The following PNPT1 variants were observed in gnomAD, a reference collection of about 807,000 sequenced individuals.
PNPT1 encodes polyribonucleotide nucleotidyltransferase 1, also known as polyribonucleotide nucleotidyltransferase 1, mitochondrial.
A neutral mutation model predicts 119.5 loss-of-function variants in PNPT1; 53 were observed. That is an observed-to-expected ratio of 0.44 (90% CI 0.36 to 0.56). The LOEUF (loss-of-function observed/expected upper bound fraction) is 0.56. PNPT1 is among the 20% of genes least tolerant of loss of function. The pLI is 0.00. For synonymous variants in PNPT1, 357 were observed against 322.1 expected (o/e 1.11, Z -1.16); for missense variants, 948 against 938.5 (o/e 1.01, Z -0.13).
chr2:55,688,756 AC>A (rs1697499835), intron 1 of PNPT1, among the ~76,000 whole-genome samples: 3 of 151,638 alleles, frequency 2.0e-5, no homozygotes, highest in Admixed American at 6.6e-5. Context: ...AACAACAACA[AC>A]AACAACAACA....
intron 18 of PNPT1, among the ~76,000 whole-genome samples, chr2:55,651,537 G>A (rs919253341): frequency 7.2e-5 from 11 of 152,194 alleles, no homozygotes; most frequent in African/African-American, 2.2e-4. Context: ...GATTAAGGGC[G>A]GTGCAAGATG....
intron 11 of PNPT1, among the ~76,000 whole-genome samples, chr2:55,670,087 G>A (rs1430722745): frequency 6.6e-6 from 1 of 151,344 alleles, no homozygotes; most frequent in African/African-American, 2.4e-5. Flanking sequence ...AAATATTCAT[G>A]TGAGAGTATA....
At chr2:55,677,988 G>C (rs1345201899) in intron 8 of PNPT1, among the ~76,000 whole-genome samples, 1 of 152,068 alleles carries the variant, frequency 6.6e-6, no homozygotes, top group Non-Finnish European at 1.5e-5. Flanking sequence ...TGATCTGCCT[G>C]CCTCGGCCTC....
intron 18 of PNPT1, among the ~76,000 whole-genome samples, chr2:55,653,426 G>C (rs775275068): frequency 1.3e-5 from 2 of 152,094 alleles, no homozygotes; most frequent in Admixed American, 1.3e-4. Flanking sequence ...GGCAGGTAAA[G>C]ACTCCCCTAT....
rs72805490 is a variant in PNPT1, at chr2:55,645,582, T to C, written c.1739-150A>G. The C allele has an allele frequency of 0.039, 21,403 of 554,788 alleles. 643 individuals are homozygous for C. The highest frequency in any genetic ancestry group is 0.099 in the South Asian group (4,117 of 41,728). The allele number at this position is 554,788 out of a possible 1,614,324, so 34.4% of individuals were successfully genotyped here. On this transcript the variant is annotated intron_variant, in intron 21 of 27. Coordinates refer to ENST00000447944, the MANE Select transcript of PNPT1 (RefSeq NM_033109.5). ...CTATTACCTTGAAAATTCACTCATA[T>C]TCTCTTCTCCAAAAATCCCATCTTA...
intron 18 of PNPT1, among the ~76,000 whole-genome samples, chr2:55,651,536 C>G (rs1415286298): frequency 6.6e-6 from 1 of 152,084 alleles, no homozygotes; most frequent in African/African-American, 2.4e-5. Flanking sequence ...AGATTAAGGG[C>G]GGTGCAAGAT....
chr2:55,670,349 G>T (rs1015210258), intron 11 of PNPT1, among the ~76,000 whole-genome samples: 1 of 151,982 alleles, frequency 6.6e-6, no homozygotes, highest in African/African-American at 2.4e-5. Flanking sequence ...ACCACGCCCG[G>T]CTAACTTTTT....
intron 1 of PNPT1, among the ~76,000 whole-genome samples, chr2:55,690,547 C>G (rs1245065298): frequency 6.6e-6 from 1 of 152,122 alleles, no homozygotes; most frequent in Non-Finnish European, 1.5e-5. Flanking sequence ...AATACCTTTG[C>G]CAGAAGCCTG....
rs575016919 is a variant in PNPT1 at position 55,642,417 on chromosome 2, T to C, written c.2069+741A>G. Among the ~76,000 whole-genome samples, 9 of 151,316 alleles carry C rather than the reference T, an allele frequency of 5.9e-5. 1 individual carries two copies. The highest frequency in any genetic ancestry group is 4.2e-4 in the South Asian group (2 of 4,774). On this transcript the variant is annotated intron_variant, in intron 25 of 27. Coordinates refer to ENST00000447944, the MANE Select transcript of PNPT1 (RefSeq NM_033109.5). ...GTCAGGAGATCGAGACCATCCTGGC[T>C]AACAAGGTAAAACCCCGTCTCTACT...
At chr2:55,670,094 T>C (rs1282630817) in intron 11 of PNPT1, among the ~76,000 whole-genome samples, 1 of 149,802 alleles carries the variant, frequency 6.7e-6, no homozygotes, top group Admixed American at 6.7e-5. Flanking sequence ...CATGTGAGAG[T>C]ATATTTGTCT....
intron 5 of PNPT1, among the ~76,000 whole-genome samples, chr2:55,681,729 C>G (rs985369452): frequency 1.3e-5 from 2 of 151,726 alleles, no homozygotes; most frequent in South Asian, 4.2e-4. Context: ...CCTATAATCC[C>G]AGCTACTAGG....
At chr2:55,652,181 TG>T (rs138955869) in intron 18 of PNPT1, among the ~76,000 whole-genome samples, 72,733 of 151,742 alleles carry the variant, frequency 0.48, 18,567 homozygotes, top group Non-Finnish European at 0.57. Context: ...AGTATCTTTT[TG>T]TTTTCAAACC....
At position 55,637,697 on chromosome 2, in the gene PNPT1, T is replaced by C; in HGVS notation, c.2149-98A>G. 2.7e-6 allele frequency: 3 copies of C among 1,118,806 alleles called. No homozygotes were observed. The Admixed American group carries it at 5.9e-5, about 22-fold the overall frequency. 69.3% of individuals were successfully genotyped at this position (1,118,806 alleles called of 1,614,324 possible). A position where few individuals can be genotyped will look rare whatever the true frequency, so the allele number is the denominator to read the frequency against. ...CCTCAAGCTTTATTAGTTTTTCTGA[T>C]TAAAAAAATCAGTTAGCGGCTGGGC... On this transcript the variant is annotated intron_variant, in intron 26 of 27. Transcript: ENST00000447944.
At chr2:55,686,000 C>G (rs1480204730) in intron 3 of PNPT1, among the ~76,000 whole-genome samples, 1 of 152,008 alleles carries the variant, frequency 6.6e-6, no homozygotes, top group Non-Finnish European at 1.5e-5. Context: ...ATTTTCGATC[C>G]ATGGTTGGTT....
intron 19 of PNPT1, among the ~76,000 whole-genome samples, chr2:55,646,805 A>G (rs1031407790): frequency 2.0e-5 from 3 of 152,166 alleles, no homozygotes; most frequent in African/African-American, 7.2e-5. Context: ...AAGGGTAAGT[A>G]TTACTATTTT....
chr2:55,651,897 A>AAC (rs1235637072), intron 18 of PNPT1, among the ~76,000 whole-genome samples: 2 of 151,274 alleles, frequency 1.3e-5, no homozygotes, highest in Non-Finnish European at 3.0e-5. Context: ...AAAAAAAAAA[A>AAC]AAAAAAACAA....
chr2:55,672,802 C>G (rs1696954103), intron 9 of PNPT1, 91 bp downstream of exon 9: 1 of 1,201,546 alleles, frequency 8.3e-7, no homozygotes, highest in Non-Finnish European at 1.2e-6. Flanking sequence ...TGAAGTAATG[C>G]ATGGGCAGTG....
At chr2:55,642,501 G>A (rs1389199180) in intron 25 of PNPT1, among the ~76,000 whole-genome samples, 9 of 151,284 alleles carry the variant, frequency 5.9e-5, no homozygotes, top group Non-Finnish European at 8.8e-5. Context: ...CCCAGCTACC[G>A]GGGAGGATGA....
At chr2:55,672,855 T>C (rs2104126608) in intron 9 of PNPT1, 38 bp downstream of exon 9, 1 of 1,532,332 alleles carries the variant, frequency 6.5e-7, no homozygotes, top group Non-Finnish European at 8.8e-7. Context: ...TTAAATCTGA[T>C]GACAATTTCA....
Sources: allele counts gnomAD v4.1 joint callset (sites outside exome capture counted in the v4.1 genomes callset), GRCh38; gene constraint gnomAD v4.1.1; transcripts MANE v1.5; gene names NCBI Gene and HGNC (gene_info 2026-07-23, HGNC 2026-07-21).